The following ASIP variants were observed in gnomAD, a reference collection of about 807,000 sequenced individuals.
ASIP encodes the protein agouti-signaling protein.
ASIP carries 11 observed loss-of-function variants against 10.3 expected under a neutral mutation model. That is an observed-to-expected ratio of 1.07 (90% CI 0.68 to 1.78). ASIP has a LOEUF of 1.78. Among genes scored for constraint, ASIP ranks in the 40% most tolerant of loss-of-function variants. The pLI, the probability that ASIP is intolerant of heterozygous loss-of-function variation, is 0.00. For synonymous variants in ASIP, 70 were observed against 70.8 expected, an observed-to-expected ratio of 0.99 and a Z score of 0.06; for missense variants, 180 against 169.2, an observed-to-expected ratio of 1.06 and a Z score of -0.35.
chr20:34,187,361 A>G, the ASIP span, among the ~76,000 whole-genome samples: 49 of 152,208 alleles, frequency 3.2e-4, no homozygotes, highest in African/African-American at 1.1e-3. Flanking sequence ...TCAGAGAGGA[A>G]TTTCTTTTCA....
At chr20:34,268,250 C>G (rs2035821877) in intron 3 of ASIP, among the ~76,000 whole-genome samples, 1 of 152,158 alleles carries the variant, frequency 6.6e-6, no homozygotes, top group Non-Finnish European at 1.5e-5. Context: ...GGAAAAGAAG[C>G]AGCAAGCTGT....
chr20:34,254,342 C>T (rs1601604276), intron 1 of ASIP, among the ~76,000 whole-genome samples: 4 of 152,312 alleles, frequency 2.6e-5, no homozygotes, highest in South Asian at 2.1e-4. Context: ...GGATTATAGG[C>T]GTGAGCCACA....
chr20:34,209,113 A>G (rs929425119), intron 1 of ASIP, among the ~76,000 whole-genome samples: 2 of 152,170 alleles, frequency 1.3e-5, no homozygotes, highest in African/African-American at 4.8e-5. Flanking sequence ...TTTCTTTTGT[A>G]TAGTTGCTCT....
intron 1 of ASIP, among the ~76,000 whole-genome samples, chr20:34,217,602 C>T (rs2035017722): frequency 6.6e-6 from 1 of 151,980 alleles, no homozygotes; most frequent in Non-Finnish European, 1.5e-5. Flanking sequence ...CGCTTTGTTG[C>T]CCAGGCTGGA....
chr20:34,189,610 GAGCA>G (rs995712958), upstream of ASIP, among the ~76,000 whole-genome samples: 1 of 152,180 alleles, frequency 6.6e-6, no homozygotes, highest in African/African-American at 2.4e-5. Flanking sequence ...GAACTCAAGG[GAGCA>G]TGTGAATAGG....
At chr20:34,242,902 GAGA>G (rs1467183583) in intron 1 of ASIP, among the ~76,000 whole-genome samples, 10 of 152,246 alleles carry the variant, frequency 6.6e-5, no homozygotes, top group Non-Finnish European at 1.2e-4. Flanking sequence ...CATGATTACT[GAGA>G]AGGAGAAAAG....
chr20:34,197,864 A>G (rs541024429), intron 1 of ASIP, among the ~76,000 whole-genome samples: 2 of 152,236 alleles, frequency 1.3e-5, no homozygotes, highest in African/African-American at 4.8e-5. Flanking sequence ...TGAGACTTTA[A>G]TCTACATATT....
chr20:34,204,505 C>T (rs908566166), intron 1 of ASIP, among the ~76,000 whole-genome samples: 1 of 152,174 alleles, frequency 6.6e-6, no homozygotes, highest in Non-Finnish European at 1.5e-5. Flanking sequence ...AGGTGTGAGC[C>T]ACTGCTCCTG....
chr20:34,254,722 T>C lies in ASIP; in HGVS notation c.-10-5643T>C, dbSNP rs1270578941. 2.6e-5 allele frequency among the ~76,000 whole-genome samples: 4 copies of C among 152,186 alleles called. No individual in the cohort carries two copies. The South Asian group carries it at 6.2e-4, about 24-fold the overall frequency. The stretch of plus-strand genomic sequence containing the variant: ...CATAATATATGGATGATACTATTTT[T>C]CTAACGTTCACAAAGTTCTGAATTC... On this transcript the variant is annotated intron_variant, in intron 1 of 3. Transcript: ENST00000374954.
At chr20:34,254,121 G>T (rs2035530175) in intron 1 of ASIP, among the ~76,000 whole-genome samples, 1 of 151,714 alleles carries the variant, frequency 6.6e-6, no homozygotes, top group African/African-American at 2.4e-5. Context: ...GCAGTGCAGT[G>T]GCACAATCTT....
chr20:34,194,318 G>A (rs908880731), upstream of ASIP, among the ~76,000 whole-genome samples: 1 of 152,058 alleles, frequency 6.6e-6, no homozygotes, highest in African/African-American at 2.4e-5. Context: ...AATCTGGTGA[G>A]TCTCGAAATT....
At position 34,269,259 on chromosome 20, in the gene ASIP, C is replaced by T; in HGVS notation, c.*92C>T. On this transcript the variant is annotated 3_prime_UTR_variant, in exon 4 of 4. Transcript: ENST00000374954. Reference sequence around the variant, plus strand: ...TCCCTAACAGGGCGGCTTCCCAGGGCTGCAGGCGGGCGGAGGTTCCAGGAG... The same window carrying T: ...TCCCTAACAGGGCGGCTTCCCAGGGTTGCAGGCGGGCGGAGGTTCCAGGAG... The T allele has an allele frequency of 3.6e-6, 5 of 1,398,412 alleles. No individual in the cohort carries two copies. Among genetic ancestry groups the T allele is most frequent in the Non-Finnish European group, 4.6e-6 (5 of 1,075,568 alleles). The allele number at this position is 1,398,412 out of a possible 1,614,324, so 86.6% of individuals were successfully genotyped here.
At chr20:34,238,694 A>G (rs1250637148), upstream of ASIP, among the ~76,000 whole-genome samples, 1 of 151,934 alleles carries the variant, frequency 6.6e-6, no homozygotes. Context: ...TGAATGTGCC[A>G]TATTTTTTCT....
At chr20:34,241,603 T>C in intron 1 of ASIP, 114 bp downstream of exon 1, 2 of 928,628 alleles carry the variant, frequency 2.2e-6, no homozygotes, top group Non-Finnish European at 1.3e-6. Flanking sequence ...AACAGATTTT[T>C]TTGATTCACT....
chr20:34,268,333 G>A (rs993900488), intron 3 of ASIP, among the ~76,000 whole-genome samples: 8 of 152,120 alleles, frequency 5.3e-5, no homozygotes, highest in African/African-American at 1.4e-4. Context: ...GGTGCACAGC[G>A]GGGCAGCGAA....
chr20:34,223,447 G>A (rs1451728525), intron 1 of ASIP, among the ~76,000 whole-genome samples: 5 of 151,734 alleles, frequency 3.3e-5, no homozygotes, highest in East Asian at 1.9e-4. Flanking sequence ...ACCCCATCTG[G>A]GAAGTGAGGA....
chr20:34,193,391 A>C (rs1452925027), upstream of ASIP, among the ~76,000 whole-genome samples: 1 of 152,142 alleles, frequency 6.6e-6, no homozygotes, highest in East Asian at 1.9e-4. Context: ...GTATGTAATA[A>C]ATTTCATCCA....
chr20:34,194,333 G>C (rs2034841350), upstream of ASIP, among the ~76,000 whole-genome samples: 1 of 151,928 alleles, frequency 6.6e-6, no homozygotes, highest in Non-Finnish European at 1.5e-5. Flanking sequence ...GAAATTTTTA[G>C]TCTTTAGACT....
chr20:34,264,765 A>G (rs947456953), intron 3 of ASIP, among the ~76,000 whole-genome samples: 9 of 124,466 alleles, frequency 7.2e-5, no homozygotes, highest in Non-Finnish European at 1.4e-4. Context: ...TTTTCTTAAT[A>G]TTTTATTTTC....
Sources: gnomAD v4.1 joint callset for allele counts (sites outside exome capture counted in the v4.1 genomes callset) on GRCh38, gnomAD v4.1.1 for gene constraint, MANE v1.5 for transcripts, NCBI Gene and HGNC (gene_info 2026-07-23, HGNC 2026-07-21) for gene names.